NWD2: variants seen among roughly 807,000 people sequenced by gnomAD.
The protein encoded by NWD2 is NACHT and WD repeat domain containing 2, also known as NACHT and WD repeat domain-containing protein 2.
A neutral mutation model predicts 132.7 loss-of-function variants in NWD2; 37 were observed. That is an observed-to-expected ratio of 0.28 (90% confidence interval 0.21 to 0.37). The LOEUF (loss-of-function observed/expected upper bound fraction) is 0.37, where lower values mean the gene tolerates loss of function less well. NWD2 is among the 10% of genes least tolerant of loss of function. NWD2 has a pLI of 1.00. For missense variants in NWD2, 1,592 were observed against 2,122.4 expected (o/e 0.75, Z 4.91); for synonymous variants, 705 against 803.0 (o/e 0.88, Z 2.06).
chr4:37,332,456 G>GAA (rs34529414), intron 2 of NWD2, among the ~76,000 whole-genome samples: 20,045 of 130,354 alleles, frequency 0.15, 1,841 homozygotes, highest in South Asian at 0.32. Flanking sequence ...CTGCTGCCTT[G>GAA]AAAAAAAAAA....
chr4:37,355,898 A>G (rs576603292), intron 2 of NWD2, among the ~76,000 whole-genome samples: 1 of 151,908 alleles, frequency 6.6e-6, no homozygotes, highest in South Asian at 2.1e-4. Context: ...TGATAATGAC[A>G]GGGCTTTTTT....
chr4:37,309,657 A>T (rs1359709994), intron 1 of NWD2, among the ~76,000 whole-genome samples: 1 of 152,098 alleles, frequency 6.6e-6, no homozygotes, highest in African/African-American at 2.4e-5. Context: ...GCCTGTGAAT[A>T]CTGTAGGGCT....
At chr4:37,263,821 AAAAAG>A (rs1370971817) in intron 1 of NWD2, among the ~76,000 whole-genome samples, 1 of 152,200 alleles carries the variant, frequency 6.6e-6, no homozygotes, top group African/African-American at 2.4e-5. Flanking sequence ...TATTTTTTAA[AAAAAG>A]AAATGAAATG....
At chr4:37,337,647 C>T (rs1456570496) in intron 2 of NWD2, among the ~76,000 whole-genome samples, 2 of 152,220 alleles carry the variant, frequency 1.3e-5, no homozygotes, top group African/African-American at 4.8e-5. Flanking sequence ...TTGGGCAGCA[C>T]AGGCCCATGC....
At chr4:37,422,824 C>G (rs1015416487) in intron 3 of NWD2, among the ~76,000 whole-genome samples, 7 of 152,170 alleles carry the variant, frequency 4.6e-5, no homozygotes, top group Non-Finnish European at 1.0e-4. Flanking sequence ...CTCCTAATGC[C>G]TTGCCTTCTA....
Position 37,444,138 on chromosome 4 carries a change from G to C in NWD2, c.2150G>C (p.Gly717Ala). 1 of 1,551,744 alleles carries C rather than the reference G, an allele frequency of 6.4e-7. No homozygotes were observed. Among genetic ancestry groups the C allele is most frequent in the Non-Finnish European group, 8.7e-7 (1 of 1,147,010 alleles). ...GCAAGGCTCAAGGAGGGTCTCAGTGGATACCTAATAGAAAGACATGTGAAA... is the reference window on the plus strand; with the variant it reads ...GCAAGGCTCAAGGAGGGTCTCAGTGCATACCTAATAGAAAGACATGTGAAA... ...YIARLKEGLS[G>A]YLIERHVKNV... Residue 717 changes from glycine (G) to alanine (A), a missense_variant, in exon 7 of 7, where the codon GGA becomes GCA. Coordinates refer to ENST00000309447, the MANE Select transcript of NWD2 (RefSeq NM_001144990.2). The surrounding 1 kb of genome is among the most constrained non-coding windows in gnomAD (Gnocchi z 4.8).
Position 37,443,239 on chromosome 4 carries a change from C to T in NWD2, c.1297-46C>T, listed in dbSNP as rs1273490741. 3.6e-6 allele frequency: 5 copies of T among 1,399,872 alleles called. No individual in the cohort carries two copies. The Admixed American group carries it at 1.0e-4, about 29-fold the overall frequency. The allele number at this position is 1,399,872 out of a possible 1,614,324, so 86.7% of individuals were successfully genotyped here. On this transcript the variant is annotated intron_variant, in intron 6 of 6. Transcript: ENST00000309447. This position sits in a 1 kb window ranked among gnomAD's most constrained non-coding sequence, Gnocchi z 4.1. ...GAGAGGCAATGTTATCACATATGAC[C>T]ATGTGAATACATATTACCATTCTAA...
At chr4:37,375,107 T>G (rs1450708232) in intron 3 of NWD2, among the ~76,000 whole-genome samples, 1 of 152,218 alleles carries the variant, frequency 6.6e-6, no homozygotes, top group Admixed American at 6.5e-5. Flanking sequence ...AAGAATGTAT[T>G]CCCATGGCCA....
intron 1 of NWD2, among the ~76,000 whole-genome samples, chr4:37,288,634 G>T (rs559709118): frequency 6.6e-6 from 1 of 152,294 alleles, no homozygotes; most frequent in Non-Finnish European, 1.5e-5. Context: ...AAGTCTAGTG[G>T]TTACATTCTG....
At chr4:37,425,912 C>G (rs913831512) in intron 3 of NWD2, among the ~76,000 whole-genome samples, 5 of 152,134 alleles carry the variant, frequency 3.3e-5, no homozygotes, top group African/African-American at 1.2e-4. Context: ...AACGAATAGT[C>G]TAATTAGGAA....
intron 1 of NWD2, among the ~76,000 whole-genome samples, chr4:37,298,208 G>A (rs2109275333): frequency 6.6e-6 from 1 of 152,222 alleles, no homozygotes. Context: ...GAGGAATGGA[G>A]CAAAGCTGAG....
intron 1 of NWD2, among the ~76,000 whole-genome samples, chr4:37,274,498 C>T (rs532081993): frequency 6.6e-5 from 10 of 151,954 alleles, no homozygotes; most frequent in African/African-American, 1.2e-4. Flanking sequence ...ATTCTACCAG[C>T]GGTACAAGAA....
At chr4:37,351,260 GCTC>G (rs917381682) in intron 2 of NWD2, among the ~76,000 whole-genome samples, 15 of 152,208 alleles carry the variant, frequency 9.9e-5, no homozygotes, top group African/African-American at 3.6e-4. Context: ...AATGGTGCCA[GCTC>G]CTCTTTGTAC....
rs71655486 is a variant in NWD2, at chr4:37,271,005, TC to T, written c.151+25792del. Among the ~76,000 whole-genome samples the T allele has an allele frequency of 6.6e-5, 10 of 151,858 alleles. 1 individual carries two copies. Among genetic ancestry groups the T allele is most frequent in the Admixed American group, 5.9e-4 (9 of 15,190 alleles). On this transcript the variant is annotated intron_variant, in intron 1 of 6. Transcript: ENST00000309447. The stretch of plus-strand genomic sequence containing the variant: ...GCCATCTGTTAAAAAGACTTTCTTT[TC>T]CCCCATTGAATTGCTTTGACAGCTT...
chr4:37,430,658 A>AGAGGCAAAGCTG lies in NWD2; in HGVS notation c.448_459dup (p.Ala150_Glu153dup). 1 of 1,551,594 alleles carries AGAGGCAAAGCTG rather than the reference A, an allele frequency of 6.4e-7. No homozygotes were observed. Among genetic ancestry groups the AGAGGCAAAGCTG allele is most frequent in the Non-Finnish European group, 8.7e-7 (1 of 1,146,864 alleles). Reference sequence around the variant, plus strand: ...TTGAAATGATTTTGGATGCCGCCATAGAGGCAAAGCTGGAGACCAAGTTGC... The same window carrying AGAGGCAAAGCTG: ...TTGAAATGATTTTGGATGCCGCCATAGAGGCAAAGCTGGAGGCAAAGCTGGAGACCAAGTTGC... On this transcript the variant is annotated inframe_insertion, in exon 4 of 7. Coordinates refer to ENST00000309447, the MANE Select transcript of NWD2 (RefSeq NM_001144990.2).
chr4:37,268,318 A>C (rs1717799778), intron 1 of NWD2, among the ~76,000 whole-genome samples: 1 of 152,010 alleles, frequency 6.6e-6, no homozygotes, highest in Non-Finnish European at 1.5e-5. Context: ...GTTTTGGTTT[A>C]AAATCTACCT....
At chr4:37,253,531 G>T (rs563738793) in intron 1 of NWD2, among the ~76,000 whole-genome samples, 5 of 152,212 alleles carry the variant, frequency 3.3e-5, no homozygotes, top group African/African-American at 1.2e-4. Context: ...TCCAGTTCTG[G>T]GAAGGTTAAA....
intron 1 of NWD2, among the ~76,000 whole-genome samples, chr4:37,256,648 T>A (rs1335245520): frequency 6.6e-6 from 1 of 152,160 alleles, no homozygotes; most frequent in Non-Finnish European, 1.5e-5. Flanking sequence ...AAAGGAGACT[T>A]GAAAATAACA....
chr4:37,364,849 G>T (rs77765794), intron 3 of NWD2, among the ~76,000 whole-genome samples: 3,562 of 152,112 alleles, frequency 0.023, 159 homozygotes, highest in African/African-American at 0.081. Flanking sequence ...AGCCCAGAGA[G>T]CTACATTTTG....
Sources: allele counts gnomAD v4.1 joint callset (sites outside exome capture counted in the v4.1 genomes callset), GRCh38; gene constraint gnomAD v4.1.1; non-coding constraint Gnocchi (gnomAD v3.1); transcripts MANE v1.5; gene names NCBI Gene and HGNC (gene_info 2026-07-23, HGNC 2026-07-21).